CD247: variants seen among roughly 807,000 people sequenced by gnomAD.
CD247 encodes CD247 molecule.
A neutral mutation model predicts 30.0 loss-of-function variants in CD247; 13 were observed. That is an observed-to-expected ratio of 0.43 (90% confidence interval 0.28 to 0.69). The LOEUF is 0.69. Among genes scored for constraint, CD247 ranks in the 30% least tolerant of loss-of-function variants. CD247 has a pLI of 0.16. For synonymous variants in CD247, 72 were observed against 80.0 expected (o/e 0.90, Z 0.53); for missense variants, 193 against 212.6 (o/e 0.91, Z 0.57).
intron 1 of CD247, among the ~76,000 whole-genome samples, chr1:167,491,896 TTA>T (rs1440192603): frequency 2.6e-5 from 4 of 152,228 alleles, no homozygotes; most frequent in Non-Finnish European, 5.9e-5. Context: ...ATGATTTCAC[TTA>T]TATGAGTTAC....
At chr1:167,432,493 C>A (rs1252992618) in intron 7 of CD247, among the ~76,000 whole-genome samples, 1 of 152,226 alleles carries the variant, frequency 6.6e-6, no homozygotes, top group African/African-American at 2.4e-5. Context: ...CGCTGGGGAT[C>A]ATGTTTTAGA....
chr1:167,442,511 G>A lies in CD247; in HGVS notation c.59-1744C>T, dbSNP rs116725453. On this transcript the variant is annotated intron_variant, in intron 1 of 7. Coordinates refer to ENST00000362089, the MANE Select transcript of CD247 (RefSeq NM_198053.3). ...AGACACTGCCTTAAATGTAATCATC[G>A]TCAGATCCTCCTGCCACCCACACTC... Among the ~76,000 whole-genome samples the A allele has an allele frequency of 6.5e-3, 989 of 152,226 alleles. 11 individuals carry two copies. The highest frequency in any genetic ancestry group is 0.023 in the African/African-American group (941 of 41,508).
chr1:167,438,020 G>GAGGAAGGA (rs57753052), intron 4 of CD247, among the ~76,000 whole-genome samples: 2,803 of 150,834 alleles, frequency 0.019, 79 homozygotes, highest in African/African-American at 0.061. Flanking sequence ...AATAAAGACA[G>GAGGAAGGA]AGGAAGGAAG....
At chr1:167,480,448 CCT>C (rs1369167656) in intron 1 of CD247, among the ~76,000 whole-genome samples, 2 of 152,142 alleles carry the variant, frequency 1.3e-5, no homozygotes, top group East Asian at 3.9e-4. Context: ...CCAACCTGCC[CCT>C]GACACCCCCA....
intron 1 of CD247, among the ~76,000 whole-genome samples, chr1:167,517,823 C>CGCTG (rs1655679613): frequency 6.6e-6 from 1 of 152,182 alleles, no homozygotes; most frequent in African/African-American, 2.4e-5. Context: ...GTGGCGAAGG[C>CGCTG]GCTGTGGAGG....
chr1:167,486,012 C>T (rs553899313), intron 1 of CD247, among the ~76,000 whole-genome samples: 59 of 152,232 alleles, frequency 3.9e-4, no homozygotes, highest in Non-Finnish European at 6.5e-4. Flanking sequence ...CCTTCCACGG[C>T]CCCCACTGCC....
At chr1:167,484,594 TG>T (rs1654123969) in intron 1 of CD247, among the ~76,000 whole-genome samples, 1 of 152,092 alleles carries the variant, frequency 6.6e-6, no homozygotes, top group Non-Finnish European at 1.5e-5. Context: ...CTGGCCAACA[TG>T]ATGAAACCCC....
intron 7 of CD247, 46 bp from the exon 8 acceptor site, chr1:167,431,792 G>A: frequency 6.4e-7 from 1 of 1,563,062 alleles, no homozygotes; most frequent in Non-Finnish European, 8.8e-7. Flanking sequence ...TCAGTAGCCT[G>A]TGTGGGCAGG....
intron 1 of CD247, among the ~76,000 whole-genome samples, chr1:167,492,462 G>A (rs1383356388): frequency 6.6e-6 from 1 of 152,198 alleles, no homozygotes; most frequent in African/African-American, 2.4e-5. Context: ...GTAGGCAACA[G>A]TTTGCAAAAT....
chr1:167,477,244 G>T (rs1653789014), intron 1 of CD247, among the ~76,000 whole-genome samples: 1 of 152,204 alleles, frequency 6.6e-6, no homozygotes. Flanking sequence ...AATAGGAGCG[G>T]CTGGGCCAGG....
At chr1:167,447,745 G>A (rs1028402994) in intron 1 of CD247, among the ~76,000 whole-genome samples, 1 of 152,148 alleles carries the variant, frequency 6.6e-6, no homozygotes, top group African/African-American at 2.4e-5. Flanking sequence ...TGTAGGCACT[G>A]ATGGAATCAA....
chr1:167,509,552 T>C (rs1002095339), intron 1 of CD247, among the ~76,000 whole-genome samples: 3 of 152,136 alleles, frequency 2.0e-5, no homozygotes, highest in African/African-American at 7.2e-5. Flanking sequence ...GGATGGACAC[T>C]GTGGGAAGAA....
At chr1:167,502,163 G>A (rs143175252) in intron 1 of CD247, among the ~76,000 whole-genome samples, 10 of 152,326 alleles carry the variant, frequency 6.6e-5, no homozygotes, top group African/African-American at 2.2e-4. Context: ...GCAGTATGCT[G>A]GAAGTGTCCT....
intron 7 of CD247, among the ~76,000 whole-genome samples, chr1:167,432,430 G>GC (rs1651315750): frequency 6.6e-6 from 1 of 152,228 alleles, no homozygotes; most frequent in African/African-American, 2.4e-5. Context: ...ACTAGAGTCA[G>GC]AAGAACGAGC....
intron 1 of CD247, among the ~76,000 whole-genome samples, chr1:167,451,829 G>A (rs551917893): frequency 2.6e-5 from 4 of 152,210 alleles, no homozygotes; most frequent in Non-Finnish European, 2.9e-5. Flanking sequence ...AGATTAGGTC[G>A]GGCGAGGTGG....
intron 7 of CD247, 130 bp from the exon 8 acceptor site, chr1:167,431,876 G>T: frequency 1.2e-6 from 1 of 803,472 alleles, no homozygotes; most frequent in Non-Finnish European, 2.2e-6. Flanking sequence ...AGAGGCCCAG[G>T]AATAATCCCC....
rs764276820 is a variant in CD247 at position 167,440,644 on chromosome 1, C to CA, written c.162+19dup. On this transcript the variant is annotated intron_variant, in intron 2 of 7. Coordinates refer to ENST00000362089, the MANE Select transcript of CD247 (RefSeq NM_198053.3). ...AGTGGGGGACCCCGTGCCCTCCTCCCAAAGCCCAGTGGTACCCACCTTCAC... is the reference window on the plus strand; with the variant it reads ...AGTGGGGGACCCCGTGCCCTCCTCCCAAAAGCCCAGTGGTACCCACCTTCAC... 1 of 1,569,392 alleles carries CA rather than the reference C, an allele frequency of 6.4e-7. No homozygotes were observed. The highest frequency in any genetic ancestry group is 8.8e-7 in the Non-Finnish European group (1 of 1,139,912).
intron 1 of CD247, chr1:167,448,613 C>G (rs1314147872): frequency 1.3e-6 from 1 of 776,856 alleles, no homozygotes. Context: ...ACGACTCCAG[C>G]TAATTTACTG....
intron 1 of CD247, among the ~76,000 whole-genome samples, chr1:167,454,710 A>G (rs1282179448): frequency 9.2e-5 from 14 of 152,278 alleles, no homozygotes; most frequent in Non-Finnish European, 2.1e-4. Context: ...TTTCACCAGC[A>G]GCCGAGTGAG....
Sources: gnomAD v4.1 joint callset for allele counts (sites outside exome capture counted in the v4.1 genomes callset) on GRCh38, gnomAD v4.1.1 for gene constraint, MANE v1.5 for transcripts, NCBI Gene and HGNC (gene_info 2026-07-23, HGNC 2026-07-21) for gene names.